The following LRP5 variants were observed in gnomAD, a reference collection of about 807,000 sequenced individuals.
LRP5 encodes LDL receptor related protein 5.
In LRP5, 62 loss-of-function variants were observed where a neutral mutation model predicts 154.1. The observed-to-expected ratio is 0.40, with a 90% confidence interval of 0.33 to 0.50. The LOEUF (loss-of-function observed/expected upper bound fraction) is 0.50, where lower values mean the gene tolerates loss of function less well. LRP5 is among the 20% of genes least tolerant of loss of function. The pLI is 0.55. For synonymous variants in LRP5, 966 were observed against 1,011.5 expected, an observed-to-expected ratio of 0.96 and a Z score of 0.85; for missense variants, 1,915 against 2,336.7, an observed-to-expected ratio of 0.82 and a Z score of 3.72.
chr11:68,424,022 G>A (rs1477097995), intron 14 of LRP5, among the ~76,000 whole-genome samples: 1 of 152,204 alleles, frequency 6.6e-6, no homozygotes, highest in Non-Finnish European at 1.5e-5. Context: ...CATGGGGGCT[G>A]CCTGTTGACT....
At chr11:68,385,713 G>A (rs1040965130) in intron 5 of LRP5, among the ~76,000 whole-genome samples, 1 of 149,906 alleles carries the variant, frequency 6.7e-6, no homozygotes, top group Non-Finnish European at 1.5e-5. Flanking sequence ...GGAGCATCTG[G>A]GCAGTTGAGC....
chr11:68,341,475 C>G (rs2098609099), intron 1 of LRP5, among the ~76,000 whole-genome samples: 1 of 152,092 alleles, frequency 6.6e-6, no homozygotes, highest in Admixed American at 6.5e-5. Context: ...GCCCAGAGGT[C>G]AGGCTAGAGG....
At position 68,425,082 on chromosome 11, in the gene LRP5, C is replaced by A; in HGVS notation, c.3237-20C>A. On this transcript the variant is annotated intron_variant, in intron 14 of 22. Transcript: ENST00000294304. ...AGACGCCATCCCCACACCCGTCCTT[C>A]ACCCGCCACCCTCCCGCAGGTACCT... 1 of 1,611,860 alleles carries A rather than the reference C, an allele frequency of 6.2e-7. No individual in the cohort carries two copies. Among genetic ancestry groups the A allele is most frequent in the Non-Finnish European group, 8.5e-7 (1 of 1,179,054 alleles).
intron 3 of LRP5, among the ~76,000 whole-genome samples, chr11:68,358,438 C>T (rs1438089772): frequency 6.6e-6 from 1 of 152,184 alleles, no homozygotes; most frequent in African/African-American, 2.4e-5. Flanking sequence ...GTTTTGTCAC[C>T]AGATGAGCAA....
intron 1 of LRP5, among the ~76,000 whole-genome samples, chr11:68,326,078 A>G (rs1565318266): frequency 2.6e-5 from 4 of 152,202 alleles, no homozygotes; most frequent in African/African-American, 9.6e-5. Flanking sequence ...CGTGGAGCCT[A>G]TTCAGTCGGT....
intron 18 of LRP5, among the ~76,000 whole-genome samples, chr11:68,435,913 A>T (rs1424042771): frequency 6.6e-6 from 1 of 152,100 alleles, no homozygotes; most frequent in Non-Finnish European, 1.5e-5. Flanking sequence ...TTCAATAGAG[A>T]TGGGGTTTCA....
chr11:68,403,698 C>T lies in LRP5; in HGVS notation c.1800C>T (p.Val600=), dbSNP rs200800275. 9.1e-5 allele frequency: 147 copies of T among 1,613,190 alleles called. No individual in the cohort carries two copies. In the East Asian group the frequency reaches 2.7e-3, roughly 30 times the overall value. ...AAGCTGTGAATGTGGCCAAGGTCGTCGGTGAGTCCGGGGGGTCCCAAGCCA... is the reference window on the plus strand; with the variant it reads ...AAGCTGTGAATGTGGCCAAGGTCGTTGGTGAGTCCGGGGGGTCCCAAGCCA... The part of the protein sequence containing the change: ...GLKAVNVAKV[V]GTNPCADRNG... The change falls in exon 8 of 23, where the codon GTC becomes GTT. Residue 600 remains valine (V), a splice_region_variant and synonymous_variant. Coordinates refer to ENST00000294304, the MANE Select transcript of LRP5 (RefSeq NM_002335.4).
rs1420676455 is a variant in LRP5 at position 68,433,830 on chromosome 11, A to T, written c.3992A>T (p.Asp1331Val). 1 of 1,612,172 alleles carries T rather than the reference A, an allele frequency of 6.2e-7. No homozygotes were observed. Among genetic ancestry groups the T allele is most frequent in the Non-Finnish European group, 8.5e-7 (1 of 1,179,642 alleles). Residue 1331 changes from aspartate to valine, a missense_variant, in exon 18 of 23, where the codon GAC becomes GTC. By Grantham distance (152) the Asp-to-Val change is radical. Transcript: ENST00000294304. The stretch of plus-strand genomic sequence containing the variant: ...TGTCAGGACCGCTCAGACGAGGCGG[A>T]CTGTGACGGTGAGGCCCTCCCCGTC... Reference protein sequence around the residue: ...ADCQDRSDEADCDAICLPNQF... With the variant: ...ADCQDRSDEAVCDAICLPNQF...
chr11:68,446,639 G>A lies in LRP5; in HGVS notation c.4586+106G>A, dbSNP rs1194016347. ...ATGAGGGGAGGTATTCTGGGTGCTA[G>A]TGGGCAGGTGCCGGGCCCAGCCCTG... On this transcript the variant is annotated intron_variant, in intron 22 of 22. Transcript: ENST00000294304. 13 of 1,029,584 alleles carry A rather than the reference G, an allele frequency of 1.3e-5. No homozygotes were observed. In the East Asian group the frequency reaches 1.7e-4, roughly 14 times the overall value. The allele number at this position is 1,029,584 out of a possible 1,614,324, so 63.8% of individuals were successfully genotyped here.
chr11:68,341,351 C>T lies in LRP5; in HGVS notation c.92-6496C>T, dbSNP rs117268226. Among the ~76,000 whole-genome samples the T allele has an allele frequency of 3.9e-4, 60 of 152,194 alleles. No homozygotes were observed. The East Asian group carries it at 6.0e-3, about 15-fold the overall frequency. ...TTCAGCCCTCAGCCTGTCCATCCCC[C>T]ACCCACACCCAGAACTGAGGCTCCA... is the stretch of plus-strand genomic sequence containing the variant. On this transcript the variant is annotated intron_variant, in intron 1 of 22. Transcript: ENST00000294304.
chr11:68,406,178 C>T (rs796448082), intron 8 of LRP5, among the ~76,000 whole-genome samples: 3 of 152,366 alleles, frequency 2.0e-5, no homozygotes, highest in Admixed American at 6.5e-5. Flanking sequence ...AGAGCCCGCA[C>T]TGCTGTTACT....
At chr11:68,392,346 A>G (rs1015460167) in intron 7 of LRP5, among the ~76,000 whole-genome samples, 1 of 151,862 alleles carries the variant, frequency 6.6e-6, no homozygotes. Flanking sequence ...TCTACTAAAA[A>G]TACAAAAATT....
chr11:68,437,790 C>A (rs1031420781), intron 19 of LRP5, among the ~76,000 whole-genome samples: 62 of 152,264 alleles, frequency 4.1e-4, no homozygotes, highest in Non-Finnish European at 8.8e-5. Flanking sequence ...GCCTCCTCTG[C>A]TGGGCAAGTT....
intron 1 of LRP5, among the ~76,000 whole-genome samples, chr11:68,318,059 AT>A (rs575016540): frequency 1.5e-3 from 216 of 144,852 alleles, no homozygotes; most frequent in African/African-American, 3.5e-3. Context: ...TTGAGATTTA[AT>A]TTTTTTTTTT....
Position 68,420,563 on chromosome 11 carries a change from G to A in LRP5, c.3028-2926G>A, listed in dbSNP as rs147775484. Among the ~76,000 whole-genome samples, 75 of 152,226 alleles carry A rather than the reference G, an allele frequency of 4.9e-4. 1 individual carries two copies. The highest frequency in any genetic ancestry group is 1.7e-3 in the African/African-American group (72 of 41,524). On this transcript the variant is annotated intron_variant, in intron 13 of 22. Transcript: ENST00000294304. ...CTACTAAAAGTACAAAATTAGCTGG[G>A]TGTGGTGGCGCGCACCTGTAATCCC...
chr11:68,350,519 G>A (rs564388813), intron 2 of LRP5, among the ~76,000 whole-genome samples: 2 of 152,360 alleles, frequency 1.3e-5, no homozygotes, highest in South Asian at 4.1e-4. Context: ...CTCTAGTCCT[G>A]GGGCCACCAA....
intron 1 of LRP5, among the ~76,000 whole-genome samples, chr11:68,343,280 C>T (rs898311002): frequency 2.0e-5 from 3 of 152,132 alleles, no homozygotes; most frequent in Non-Finnish European, 2.9e-5. Flanking sequence ...CCACTCTGTG[C>T]GTGTGTTAGC....
At chr11:68,305,188 G>A in the LRP5 span, among the ~76,000 whole-genome samples, 1 of 152,024 alleles carries the variant, frequency 6.6e-6, no homozygotes, top group African/African-American at 2.4e-5. Flanking sequence ...TCGTGGCTTG[G>A]TGCTGTCCTT....
In LRP5 at chr11:68,358,315, A is replaced by G. The variant is rs2098624896; in HGVS notation, c.686+468A>G. On this transcript the variant is annotated intron_variant, in intron 3 of 22. Coordinates refer to ENST00000294304, the MANE Select transcript of LRP5 (RefSeq NM_002335.4). Reference sequence around the variant, plus strand: ...ATTTTTGGTAGAGACGGGGTCTCACATGTTGCTCAGGCTGGTCTCAAACTC... The same window carrying G: ...ATTTTTGGTAGAGACGGGGTCTCACGTGTTGCTCAGGCTGGTCTCAAACTC... Among the ~76,000 whole-genome samples the G allele has an allele frequency of 3.3e-5, 5 of 152,202 alleles. No individual in the cohort carries two copies. The South Asian group carries it at 1.0e-3, about 32-fold the overall frequency.
Sources: gnomAD v4.1 joint callset for allele counts (sites outside exome capture counted in the v4.1 genomes callset) on GRCh38, gnomAD v4.1.1 for gene constraint, MANE v1.5 for transcripts, NCBI Gene and HGNC (gene_info 2026-07-23, HGNC 2026-07-21) for gene names.